Variants in ATAD2B observed in about 807,000 individuals in gnomAD.
The protein encoded by ATAD2B is ATPase family AAA domain containing 2B, also known as ATPase family AAA domain-containing protein 2B.
Under a neutral mutation model 167.6 loss-of-function variants are expected in ATAD2B, and 40 were observed. The ratio of observed to expected loss-of-function variants is 0.24; its 90% CI spans 0.19 to 0.31. ATAD2B has a LOEUF of 0.31. Ranked by LOEUF, ATAD2B falls within the 10% of genes least tolerant of loss-of-function variation. The pLI is 1.00. For missense variants in ATAD2B, 1,242 were observed against 1,757.2 expected, an observed-to-expected ratio of 0.71 and a Z score of 5.24; for synonymous variants, 579 against 596.5, an observed-to-expected ratio of 0.97 and a Z score of 0.43.
chr2:23,817,747 A>C (rs149550203), intron 17 of ATAD2B, among the ~76,000 whole-genome samples: 17 of 152,342 alleles, frequency 1.1e-4, no homozygotes, highest in Non-Finnish European at 1.6e-4. Context: ...TGCTTATTCT[A>C]GCATATAGCT....
chr2:23,775,217 G>GTT lies in ATAD2B; in HGVS notation c.3133+7650_3133+7651dup, dbSNP rs201108358. Among the ~76,000 whole-genome samples the GTT allele has an allele frequency of 1.2e-4, 17 of 144,354 alleles. 1 individual carries two copies. Among genetic ancestry groups the GTT allele is most frequent in the African/African-American group, 1.8e-4 (7 of 39,464 alleles). 94.7% of individuals were successfully genotyped at this position (144,354 alleles called of 152,430 possible). ...GGTAAATTTTATTTTATTTTTTTAT[G>GTT]TTTTATTTTTTTTTTTGAGACGTTG... On this transcript the variant is annotated intron_variant, in intron 22 of 27. Coordinates refer to ENST00000238789, the MANE Select transcript of ATAD2B (RefSeq NM_017552.4).
chr2:23,771,683 C>A (rs1304483223), intron 22 of ATAD2B, among the ~76,000 whole-genome samples: 1 of 152,108 alleles, frequency 6.6e-6, no homozygotes, highest in East Asian at 1.9e-4. Flanking sequence ...TTACTGTATA[C>A]CTTTTTATGA....
chr2:23,886,783 T>TA (rs1698724930), intron 4 of ATAD2B, among the ~76,000 whole-genome samples: 1 of 151,486 alleles, frequency 6.6e-6, no homozygotes, highest in Admixed American at 6.6e-5. Context: ...TACAAAAAAT[T>TA]AGCCAGGCAT....
chr2:23,720,135 T>C, the ATAD2B span, among the ~76,000 whole-genome samples: 4 of 152,276 alleles, frequency 2.6e-5, no homozygotes, highest in East Asian at 5.8e-4. Flanking sequence ...AGGAGCAAGA[T>C]GACTGACTAG....
At chr2:23,858,411 G>A (rs960339641) in intron 12 of ATAD2B, among the ~76,000 whole-genome samples, 13 of 151,418 alleles carry the variant, frequency 8.6e-5, no homozygotes, top group African/African-American at 2.9e-4. Context: ...GTGAGCCACC[G>A]CACTCAGCCT....
At chr2:23,862,841 G>C (rs1023625445) in intron 12 of ATAD2B, among the ~76,000 whole-genome samples, 1 of 152,066 alleles carries the variant, frequency 6.6e-6, no homozygotes, top group African/African-American at 2.4e-5. Flanking sequence ...TATATCCTGT[G>C]TTGTCTAAAG....
At chr2:23,883,639 TAAC>T (rs1183528990) in intron 6 of ATAD2B, 70 of 1,285,634 alleles carry the variant, frequency 5.4e-5, no homozygotes, top group Non-Finnish European at 6.9e-5. Context: ...GTTCTAGCTG[TAAC>T]AACAATAATA....
At chr2:23,760,440 C>T (rs1676506655) in intron 24 of ATAD2B, among the ~76,000 whole-genome samples, 1 of 152,010 alleles carries the variant, frequency 6.6e-6, no homozygotes. Context: ...GCTGACGGAT[C>T]ACTTGAAGTC....
intron 13 of ATAD2B, among the ~76,000 whole-genome samples, chr2:23,835,800 G>C (rs1004497046): frequency 6.6e-6 from 1 of 152,088 alleles, no homozygotes; most frequent in Non-Finnish European, 1.5e-5. Context: ...GCTCGGTGCG[G>C]TGGCACGCAC....
chr2:23,769,719 T>G (rs1678013896), intron 22 of ATAD2B, among the ~76,000 whole-genome samples: 1 of 148,876 alleles, frequency 6.7e-6, no homozygotes. Flanking sequence ...TGGGTTTTTT[T>G]TTTTTTTTTT....
chr2:23,778,527 C>T (rs1026301182), intron 22 of ATAD2B, among the ~76,000 whole-genome samples: 1 of 152,084 alleles, frequency 6.6e-6, no homozygotes, highest in South Asian at 2.1e-4. Flanking sequence ...CAGGTACCCA[C>T]TAAGAAACCA....
intron 6 of ATAD2B, among the ~76,000 whole-genome samples, chr2:23,882,662 T>C (rs183632242): frequency 2.0e-4 from 30 of 150,220 alleles, no homozygotes; most frequent in Admixed American, 1.7e-3. Context: ...CAAAAAAAAA[T>C]AGCCAGGCAT....
chr2:23,796,896 C>G (rs1682713070), intron 19 of ATAD2B, among the ~76,000 whole-genome samples: 1 of 152,100 alleles, frequency 6.6e-6, no homozygotes, highest in South Asian at 2.1e-4. Context: ...GATCAAAAGA[C>G]TAGTAAGTCA....
chr2:23,903,769 TAATTAGCAGACCACTAGATTA>T (rs1373356542), intron 1 of ATAD2B, among the ~76,000 whole-genome samples: 6 of 152,168 alleles, frequency 3.9e-5, no homozygotes, highest in Admixed American at 3.9e-4. Flanking sequence ...GGAACTAAGT[TAATTAGCAGACCACTAGATTA>T]AATCAAAACT....
At chr2:23,747,652 T>C (rs1333834506), downstream of ATAD2B, among the ~76,000 whole-genome samples, 1 of 152,166 alleles carries the variant, frequency 6.6e-6, no homozygotes, top group African/African-American at 2.4e-5. Context: ...TCATTACTAC[T>C]GGTATATATA....
intron 22 of ATAD2B, among the ~76,000 whole-genome samples, chr2:23,772,428 T>C (rs1678467243): frequency 6.6e-6 from 1 of 152,144 alleles, no homozygotes; most frequent in East Asian, 1.9e-4. Context: ...ACAATGTTTG[T>C]AGCCTATGCA....
chr2:23,762,121 C>A (rs756017865), intron 24 of ATAD2B, 88 bp downstream of exon 24: 2 of 1,363,656 alleles, frequency 1.5e-6, no homozygotes, highest in East Asian at 5.0e-5. Flanking sequence ...GGGAAAAGAG[C>A]GGCACTTTGT....
intron 22 of ATAD2B, among the ~76,000 whole-genome samples, chr2:23,775,799 G>A (rs986055759): frequency 6.6e-6 from 1 of 152,076 alleles, no homozygotes; most frequent in South Asian, 2.1e-4. Flanking sequence ...CCTCTACGAT[G>A]ATGACTCCCA....
intron 22 of ATAD2B, among the ~76,000 whole-genome samples, chr2:23,781,869 G>T (rs2712086): frequency 6.6e-6 from 1 of 151,340 alleles, no homozygotes; most frequent in Non-Finnish European, 1.5e-5. Flanking sequence ...CTGGAGTACA[G>T]TGGCATGATC....
Sources: gnomAD v4.1 joint callset for allele counts (sites outside exome capture counted in the v4.1 genomes callset) on GRCh38, gnomAD v4.1.1 for gene constraint, MANE v1.5 for transcripts, NCBI Gene and HGNC (gene_info 2026-07-23, HGNC 2026-07-21) for gene names.